Variants in DCAF5 observed in about 807,000 individuals in gnomAD.
DCAF5 encodes the protein DDB1 and CUL4 associated factor 5.
Under a neutral mutation model 80.7 loss-of-function variants are expected in DCAF5, and 9 were observed. The observed-to-expected ratio is 0.11, with a 90% confidence interval of 0.07 to 0.19. The LOEUF (loss-of-function observed/expected upper bound fraction) is 0.19. Ranked by LOEUF, DCAF5 falls within the 10% of genes least tolerant of loss-of-function variation. The pLI is 1.00. For synonymous variants in DCAF5, 433 were observed against 461.9 expected, an observed-to-expected ratio of 0.94 and a Z score of 0.80; for missense variants, 842 against 1,205.7, an observed-to-expected ratio of 0.70 and a Z score of 4.47.
intron 5 of DCAF5, among the ~76,000 whole-genome samples, chr14:69,108,628 TA>T (rs1458801465): frequency 6.6e-6 from 1 of 151,908 alleles, no homozygotes. Flanking sequence ...ATGACAATAA[TA>T]AAAAAACAAA....
chr14:69,140,551 T>C (rs1352531266), intron 1 of DCAF5, among the ~76,000 whole-genome samples: 2 of 152,150 alleles, frequency 1.3e-5, no homozygotes, highest in Non-Finnish European at 2.9e-5. Context: ...AGGAAAAATT[T>C]CAACTCAGTG....
chr14:69,128,340 C>T (rs1338514421), intron 1 of DCAF5, among the ~76,000 whole-genome samples: 1 of 151,964 alleles, frequency 6.6e-6, no homozygotes, highest in Non-Finnish European at 1.5e-5. Context: ...GCAAGCACCA[C>T]CACACCCAGC....
chr14:69,130,216 T>C (rs2041000314), intron 1 of DCAF5, among the ~76,000 whole-genome samples: 1 of 152,220 alleles, frequency 6.6e-6, no homozygotes, highest in South Asian at 2.1e-4. Flanking sequence ...GAAAGCAGTC[T>C]GAAATTCTGG....
intron 5 of DCAF5, among the ~76,000 whole-genome samples, chr14:69,110,036 G>C (rs1468756435): frequency 6.6e-6 from 1 of 151,990 alleles, no homozygotes; most frequent in Non-Finnish European, 1.5e-5. Flanking sequence ...CACTCATTGT[G>C]GTTTTAATTT....
intron 6 of DCAF5, among the ~76,000 whole-genome samples, chr14:69,086,960 C>A (rs78158892): frequency 0.013 from 1,954 of 152,284 alleles, 17 homozygotes; most frequent in Non-Finnish European, 0.02. Flanking sequence ...ATACTTTCTC[C>A]TTTTGTGTAC....
intron 6 of DCAF5, chr14:69,083,554 G>A (rs2039198127): frequency 2.5e-6 from 1 of 398,734 alleles, no homozygotes; most frequent in Non-Finnish European, 4.8e-6. Context: ...AGGTGGAAAG[G>A]TTAAAAAATC....
chr14:69,094,501 T>C (rs1266476582), intron 5 of DCAF5, among the ~76,000 whole-genome samples: 1 of 152,208 alleles, frequency 6.6e-6, no homozygotes, highest in Non-Finnish European at 1.5e-5. Context: ...AGGGGTGCTA[T>C]TTAAAGAGCA....
chr14:69,080,948 G>A (rs761917965), intron 6 of DCAF5, among the ~76,000 whole-genome samples: 7 of 151,562 alleles, frequency 4.6e-5, no homozygotes, highest in East Asian at 1.9e-4. Flanking sequence ...TTTTTTTAAC[G>A]TCATTCTAAA....
Position 69,069,757 on chromosome 14 carries a change from G to A in DCAF5, c.946+5588C>T, listed in dbSNP as rs148468652. Among the ~76,000 whole-genome samples, 325 of 152,060 alleles carry A rather than the reference G, an allele frequency of 2.1e-3. 1 individual carries two copies. The highest frequency in any genetic ancestry group is 3.7e-3 in the Admixed American group (56 of 15,286). ...CCCAAAGTGCCAGGATTACAGGTAC[G>A]AGCCATTGTGCCTAGCAGCAGTTAG... On this transcript the variant is annotated intron_variant, in intron 7 of 8. Coordinates refer to ENST00000341516, the MANE Select transcript of DCAF5 (RefSeq NM_003861.3).
chr14:69,086,721 G>A (rs11158786), intron 6 of DCAF5, among the ~76,000 whole-genome samples: 103,035 of 151,432 alleles, frequency 0.68, 35,365 homozygotes, highest in East Asian at 0.97. Context: ...CCCATATAGT[G>A]TCAACCCAGA....
chr14:69,087,112 G>C (rs943381609), intron 6 of DCAF5, among the ~76,000 whole-genome samples: 1 of 152,200 alleles, frequency 6.6e-6, no homozygotes, highest in Non-Finnish European at 1.5e-5. Flanking sequence ...AGAAGCCTGA[G>C]CCATTCTATT....
chr14:69,061,173 G>A (rs1001367317), intron 8 of DCAF5, among the ~76,000 whole-genome samples: 1 of 151,804 alleles, frequency 6.6e-6, no homozygotes, highest in African/African-American at 2.4e-5. Flanking sequence ...TAAATTTTTT[G>A]TAGAGACCAC....
At position 69,119,211 on chromosome 14, in the gene DCAF5, G is replaced by A. The variant is rs1260807616; in HGVS notation, c.378C>T (p.Ile126=). The change falls in exon 3 of 9, where the codon ATC becomes ATT. Residue 126 remains isoleucine (I), a synonymous_variant. Transcript: ENST00000341516. ...CTATTTACCTTTCAACATCATGGAG[G>A]ATAACTTGCTCATCATTGCCTGCAA... ...VFSGGNDEQV[I]LHDVESSETL... is the part of the protein sequence containing the mutation. 1 of 1,613,328 alleles carries A rather than the reference G, an allele frequency of 6.2e-7. No individual in the cohort carries two copies. Among genetic ancestry groups the A allele is most frequent in the Non-Finnish European group, 8.5e-7 (1 of 1,179,776 alleles).
chr14:69,136,056 T>C (rs1250363938), intron 1 of DCAF5, among the ~76,000 whole-genome samples: 1 of 151,876 alleles, frequency 6.6e-6, no homozygotes, highest in Non-Finnish European at 1.5e-5. Context: ...AGGAAGAATA[T>C]ACAGTTATCT....
chr14:69,071,046 C>T (rs376502523), intron 7 of DCAF5, among the ~76,000 whole-genome samples: 36 of 152,250 alleles, frequency 2.4e-4, no homozygotes, highest in Middle Eastern at 3.4e-3. Flanking sequence ...GATCTGCCCC[C>T]CTCAGCCTCC....
intron 1 of DCAF5, among the ~76,000 whole-genome samples, chr14:69,130,915 A>AT (rs1217592271): frequency 6.6e-6 from 1 of 152,054 alleles, no homozygotes; most frequent in Non-Finnish European, 1.5e-5. Context: ...CTCTACCCTA[A>AT]TTTTTTTATT....
intron 2 of DCAF5, among the ~76,000 whole-genome samples, chr14:69,121,520 A>G (rs2040717404): frequency 6.6e-6 from 1 of 152,238 alleles, no homozygotes. Flanking sequence ...AATAGCTTAT[A>G]TAATTGGGTG....
At chr14:69,148,964 A>C (rs2041625926) in intron 1 of DCAF5, among the ~76,000 whole-genome samples, 2 of 152,248 alleles carry the variant, frequency 1.3e-5, no homozygotes, top group Non-Finnish European at 2.9e-5. Flanking sequence ...AAAAAGTCAC[A>C]AAACTATCCT....
In DCAF5 at chr14:69,152,742, G is replaced by A. The variant is rs563617457; in HGVS notation, c.214+23C>T. ...GCTGGGAGGGTGCGGGGAGGCGCGGGGAGGGGAAGGGGGTTGATTTACCTG... is the reference window on the plus strand; with the variant it reads ...GCTGGGAGGGTGCGGGGAGGCGCGGAGAGGGGAAGGGGGTTGATTTACCTG... On this transcript the variant is annotated intron_variant, in intron 1 of 8. Transcript: ENST00000341516. This position sits in a 1 kb window ranked among gnomAD's most constrained non-coding sequence, Gnocchi z 4.1. 2 of 1,598,688 alleles carry A rather than the reference G, an allele frequency of 1.3e-6. No homozygotes were observed. The highest frequency in any genetic ancestry group is 2.2e-5 in the South Asian group (2 of 89,814).
Sources: allele counts gnomAD v4.1 joint callset (sites outside exome capture counted in the v4.1 genomes callset), GRCh38; gene constraint gnomAD v4.1.1; non-coding constraint Gnocchi (gnomAD v3.1); transcripts MANE v1.5; gene names NCBI Gene and HGNC (gene_info 2026-07-23, HGNC 2026-07-21).